STRIP2: variants seen among roughly 807,000 people sequenced by gnomAD.
The protein encoded by STRIP2 is striatin-interacting protein 2.
STRIP2 carries 84 observed loss-of-function variants against 107.1 expected under a neutral mutation model. The observed-to-expected ratio is 0.78, with a 90% CI of 0.66 to 0.94. STRIP2 has a LOEUF of 0.94. Among genes scored for constraint, STRIP2 ranks in the 40% least tolerant of loss-of-function variants. The pLI is 0.00. For synonymous variants in STRIP2, 394 were observed against 400.4 expected (o/e 0.98, Z 0.19); for missense variants, 888 against 1,034.2 (o/e 0.86, Z 1.94).
intron 19 of STRIP2, among the ~76,000 whole-genome samples, chr7:129,482,343 C>T (rs963200888): frequency 1.6e-5 from 1 of 62,940 alleles, no homozygotes; most frequent in Admixed American, 1.7e-4. Flanking sequence ...TTCTCTCTCT[C>T]TCTCTCTCTC....
chr7:129,462,218 T>C (rs1216399185), intron 13 of STRIP2, among the ~76,000 whole-genome samples: 1 of 152,194 alleles, frequency 6.6e-6, no homozygotes, highest in Non-Finnish European at 1.5e-5. Context: ...CTGTTGAATG[T>C]CCATTTAGGA....
At chr7:129,447,528 A>G (rs973098206) in intron 3 of STRIP2, among the ~76,000 whole-genome samples, 2 of 152,214 alleles carry the variant, frequency 1.3e-5, no homozygotes, top group African/African-American at 4.8e-5. Flanking sequence ...AATGTCATCA[A>G]TGTAATGGAC....
At chr7:129,469,983 T>C (rs1335647279) in intron 17 of STRIP2, among the ~76,000 whole-genome samples, 1 of 152,238 alleles carries the variant, frequency 6.6e-6, no homozygotes, top group Non-Finnish European at 1.5e-5. Flanking sequence ...ACAGCTGTCA[T>C]TTATTTTGTA....
chr7:129,487,251 G>A lies in STRIP2; in HGVS notation c.*1422G>A, dbSNP rs2151023225. On this transcript the variant is annotated 3_prime_UTR_variant, in exon 21 of 21. Transcript: ENST00000249344. ...GCTGACCTCAAACTCCTGACCTCAG[G>A]TGATCCGCCCGCCTCCACCTCCCAG... 1 of 152,216 alleles carries A rather than the reference G, an allele frequency of 6.6e-6. No individual in the cohort carries two copies. The highest frequency in any genetic ancestry group is 1.9e-4 in the East Asian group (1 of 5,168). 9.4% of individuals were successfully genotyped at this position (152,216 alleles called of 1,614,324 possible). A position where few individuals can be genotyped will look rare whatever the true frequency, so the allele number is the denominator to read the frequency against.
At chr7:129,462,617 C>CCA (rs1348551024) in intron 13 of STRIP2, among the ~76,000 whole-genome samples, 1 of 152,136 alleles carries the variant, frequency 6.6e-6, no homozygotes, top group Non-Finnish European at 1.5e-5. Flanking sequence ...CCTTTTAAAC[C>CCA]CACACTATTG....
Position 129,454,129 on chromosome 7 carries a change from C to T in STRIP2, c.531-13C>T. On this transcript the variant is annotated splice_polypyrimidine_tract_variant and intron_variant, in intron 5 of 20. Coordinates refer to ENST00000249344, the MANE Select transcript of STRIP2 (RefSeq NM_020704.3). Reference sequence around the variant, plus strand: ...TCTTATGCATTCCTGTTCTTTTTCTCCTCCCCTGGCAGCAACAGCCAGGCC... The same window carrying T: ...TCTTATGCATTCCTGTTCTTTTTCTTCTCCCCTGGCAGCAACAGCCAGGCC... 8.1e-6 allele frequency: 13 copies of T among 1,613,426 alleles called. No individual in the cohort carries two copies. Among genetic ancestry groups the T allele is most frequent in the Non-Finnish European group, 1.1e-5 (13 of 1,179,678 alleles).
At position 129,482,353 on chromosome 7, in the gene STRIP2, CTCTATA is replaced by C. The variant is rs369266749; in HGVS notation, c.2050-487_2050-482del. ...AATAGTTCTCTCTCTCTCTCTCTCT[CTCTATA>C]TATATATATATATATATATTTTTTT... On this transcript the variant is annotated intron_variant, in intron 19 of 20. Transcript: ENST00000249344. Among the ~76,000 whole-genome samples the C allele has an allele frequency of 6.6e-3, 646 of 98,500 alleles. 3 individuals are homozygous for C. The highest frequency in any genetic ancestry group is 0.013 in the African/African-American group (324 of 25,810). 64.6% of individuals were successfully genotyped at this position (98,500 alleles called of 152,430 possible). A position where few individuals can be genotyped will look rare whatever the true frequency, so the allele number is the denominator to read the frequency against.
chr7:129,450,918 CTTTTTTTTTTTTTTTTTTT>C (rs758536953), intron 3 of STRIP2, among the ~76,000 whole-genome samples: 7 of 54,468 alleles, frequency 1.3e-4, no homozygotes, highest in African/African-American at 5.5e-4. Context: ...GAGAAAGGTC[CTTTTTTTTTTTTTTTTTTT>C]TTTTTTTTTT....
At chr7:129,477,943 T>G (rs1799014652) in intron 18 of STRIP2, 1 of 520,792 alleles carries the variant, frequency 1.9e-6, no homozygotes, top group East Asian at 5.5e-5. Flanking sequence ...AATTAAATGG[T>G]GGCAGACATG....
intron 1 of STRIP2, among the ~76,000 whole-genome samples, chr7:129,438,506 C>G (rs959838151): frequency 6.6e-6 from 1 of 152,166 alleles, no homozygotes; most frequent in Non-Finnish European, 1.5e-5. Flanking sequence ...CTTAAAATAA[C>G]CCTATGAAGT....
At chr7:129,451,495 T>C in intron 3 of STRIP2, 118 bp from the exon 4 acceptor site, 1 of 1,343,658 alleles carries the variant, frequency 7.4e-7, no homozygotes, top group Non-Finnish European at 1.0e-6. Context: ...TAAGGAAAGC[T>C]TTTGGAGAAA....
chr7:129,478,425 G>A (rs1018833890), intron 18 of STRIP2, among the ~76,000 whole-genome samples: 23 of 152,026 alleles, frequency 1.5e-4, no homozygotes, highest in Admixed American at 2.6e-4. Flanking sequence ...CAGGAGAATC[G>A]CTTGAACCCG....
chr7:129,445,380 T>C (rs1384315656), intron 3 of STRIP2, among the ~76,000 whole-genome samples: 1 of 152,106 alleles, frequency 6.6e-6, no homozygotes, highest in African/African-American at 2.4e-5. Flanking sequence ...TCCAGTTTAA[T>C]GGAATCATTG....
chr7:129,482,214 ATAAAC>A (rs1168348874), intron 19 of STRIP2, among the ~76,000 whole-genome samples: 1 of 152,038 alleles, frequency 6.6e-6, no homozygotes, highest in African/African-American at 2.4e-5. Flanking sequence ...TCTCCAGAAA[ATAAAC>A]AAAAATACTG....
chr7:129,462,901 C>A, intron 13 of STRIP2, 65 bp from the exon 14 acceptor site: 1 of 1,381,890 alleles, frequency 7.2e-7, no homozygotes, highest in African/African-American at 1.4e-5. Context: ...CCCTCACAAC[C>A]AAGAAAAAAA....
At chr7:129,478,565 C>T (rs1295617891) in intron 18 of STRIP2, among the ~76,000 whole-genome samples, 2 of 151,902 alleles carry the variant, frequency 1.3e-5, no homozygotes, top group South Asian at 4.2e-4. Context: ...AATATAGGGC[C>T]AACTGGTTAA....
chr7:129,449,794 T>C (rs926886380), intron 3 of STRIP2, among the ~76,000 whole-genome samples: 2 of 152,198 alleles, frequency 1.3e-5, no homozygotes, highest in Non-Finnish European at 2.9e-5. Flanking sequence ...CAATTTCAGC[T>C]CTTTCTCTGC....
intron 18 of STRIP2, among the ~76,000 whole-genome samples, chr7:129,476,883 A>G (rs1192006582): frequency 6.6e-6 from 1 of 151,870 alleles, no homozygotes; most frequent in Non-Finnish European, 1.5e-5. Flanking sequence ...AGCCTGGGCA[A>G]CATTGAGCAC....
intron 18 of STRIP2, among the ~76,000 whole-genome samples, chr7:129,479,156 C>A (rs1799051071): frequency 1.3e-5 from 2 of 151,806 alleles, no homozygotes; most frequent in Admixed American, 6.6e-5. Context: ...TTCCTATAAT[C>A]CCAGCTACTC....
Sources: gnomAD v4.1 joint callset for allele counts (sites outside exome capture counted in the v4.1 genomes callset) on GRCh38, gnomAD v4.1.1 for gene constraint, MANE v1.5 for transcripts, NCBI Gene and HGNC (gene_info 2026-07-23, HGNC 2026-07-21) for gene names.